The following MDH2 variants were observed in gnomAD, a reference collection of about 807,000 sequenced individuals.
The protein encoded by MDH2 is malate dehydrogenase 2.
In MDH2, 25 loss-of-function variants were observed where a neutral mutation model predicts 33.6. The observed-to-expected ratio is 0.74, with a 90% confidence interval of 0.54 to 1.04. The LOEUF is 1.04. MDH2 is among the 50% of genes least tolerant of loss of function. The pLI, the probability that MDH2 is intolerant of heterozygous loss-of-function variation, is 0.00. For synonymous variants in MDH2, 193 were observed against 188.7 expected (o/e 1.02, Z -0.19); for missense variants, 432 against 445.0 (o/e 0.97, Z 0.26).
At chr7:76,064,701 G>A in intron 7 of MDH2, 101 bp from the exon 8 acceptor site, 1 of 1,340,772 alleles carries the variant, frequency 7.5e-7, no homozygotes. Flanking sequence ...ATTCTCCACT[G>A]TCAGGCTGGA....
chr7:76,048,761 C>T (rs1797435044), intron 1 of MDH2: 1 of 1,229,318 alleles, frequency 8.1e-7, no homozygotes, highest in Non-Finnish European at 1.0e-6. Flanking sequence ...ACGGCTTCCT[C>T]TTAACCTTTT....
At chr7:76,062,691 G>T (rs113767988) in intron 5 of MDH2, among the ~76,000 whole-genome samples, 3 of 152,346 alleles carry the variant, frequency 2.0e-5, no homozygotes, top group African/African-American at 7.2e-5. Context: ...AACGCAGGAG[G>T]ATGGCTTGAG....
chr7:76,049,892 C>T (rs941633547), intron 1 of MDH2, among the ~76,000 whole-genome samples: 2 of 152,104 alleles, frequency 1.3e-5, no homozygotes, highest in South Asian at 2.1e-4. Context: ...AGTGCAGTGG[C>T]GTGATCTCGG....
chr7:76,060,317 C>T, intron 4 of MDH2, 56 bp from the exon 5 acceptor site: 1 of 1,600,850 alleles, frequency 6.2e-7, no homozygotes, highest in Non-Finnish European at 8.5e-7. Context: ...CCTGCTGTGG[C>T]TTGGCCCTGC....
rs781886499 is a variant in MDH2, at chr7:76,064,957, C to T, written c.885+4C>T. ...CTCCACACCGCTGCTGCTTGGGGTA[C>T]GTATCCAGGCGTGGGTCCTTCTGAC... On this transcript the variant is annotated splice_donor_region_variant and intron_variant, in intron 8 of 8. Transcript: ENST00000315758. 8 of 1,613,906 alleles carry T rather than the reference C, an allele frequency of 5.0e-6. No homozygotes were observed. Among genetic ancestry groups the T allele is most frequent in the African/African-American group, 1.3e-5 (1 of 74,916 alleles).
At chr7:76,048,335 G>A (rs1232538865) in intron 1 of MDH2, 109 bp downstream of exon 1, 1 of 1,401,184 alleles carries the variant, frequency 7.1e-7, no homozygotes, top group East Asian at 2.6e-5. Flanking sequence ...TGGACCGCAG[G>A]GATGCCCGGC....
chr7:76,049,376 T>TG (rs1554584966), intron 1 of MDH2, among the ~76,000 whole-genome samples: 1 of 152,194 alleles, frequency 6.6e-6, no homozygotes. Context: ...TAAGTACCTG[T>TG]GCTTGCCAAC....
rs1797717033 is a variant in MDH2 at position 76,054,653 on chromosome 7, G to A, written c.67-177G>A. 3 of 740,790 alleles carry A rather than the reference G, an allele frequency of 4.0e-6. No homozygotes were observed. In the South Asian group the frequency reaches 4.9e-5, roughly 12 times the overall value. The allele number at this position is 740,790 out of a possible 1,614,324, so 45.9% of individuals were successfully genotyped here. A position where few individuals can be genotyped will look rare whatever the true frequency, so the allele number is the denominator to read the frequency against. On this transcript the variant is annotated intron_variant, in intron 1 of 8. Transcript: ENST00000315758. ...CATAAATTCTCCCCATTTGAAAGTGGACCTTTGGAATGAAGGTCCTGAATT... is the reference window on the plus strand; with the variant it reads ...CATAAATTCTCCCCATTTGAAAGTGAACCTTTGGAATGAAGGTCCTGAATT...
chr7:76,067,159 T>C lies in MDH2; in HGVS notation c.*749T>C, dbSNP rs1301306848. The C allele has an allele frequency of 2.0e-5, 3 of 152,306 alleles. No homozygotes were observed. Among genetic ancestry groups the C allele is most frequent in the Non-Finnish European group, 2.9e-5 (2 of 68,092 alleles). The allele number at this position is 152,306 out of a possible 1,614,324, so 9.4% of individuals were successfully genotyped here. ...ATCAGTGGCCTAAAGAAGGGACTTC[T>C]TGTTGTACTGAGGAGTGCGGAATTA... is the stretch of plus-strand genomic sequence containing the variant. On this transcript the variant is annotated 3_prime_UTR_variant, in exon 9 of 9. Transcript: ENST00000315758.
chr7:76,067,464 C>A lies in MDH2; in HGVS notation c.*1054C>A, dbSNP rs568161379. 1.3e-5 allele frequency: 2 copies of A among 152,040 alleles called. No homozygotes were observed. The highest frequency in any genetic ancestry group is 4.2e-4 in the South Asian group (2 of 4,818). The allele number at this position is 152,040 out of a possible 1,614,324, so 9.4% of individuals were successfully genotyped here. ...TTAATACATGTTCATTGTATAAAAC[C>A]CAAAAAGCAGCTAAAAAATAAAGCG... is the stretch of plus-strand genomic sequence containing the variant. On this transcript the variant is annotated 3_prime_UTR_variant, in exon 9 of 9. Coordinates refer to ENST00000315758, the MANE Select transcript of MDH2 (RefSeq NM_005918.4).
At chr7:76,048,992 G>A (rs915570872) in intron 1 of MDH2, 1 of 406,072 alleles carries the variant, frequency 2.5e-6, no homozygotes, top group Non-Finnish European at 3.0e-6. Context: ...GGGGGGGGGG[G>A]GGGGGGTCCG....
rs945331698 is a variant in MDH2, at chr7:76,057,975, C to T, written c.326C>T (p.Thr109Ile). ...PAGVPRKPGMTRDDLFNTNAT... is the reference protein window; with the variant it reads ...PAGVPRKPGMIRDDLFNTNAT... ...CATATTGGATCATTTCCAGGCATGA[C>T]CCGGGACGACCTGTTCAACACCAAT... is the stretch of plus-strand genomic sequence containing the variant. Residue 109 changes from threonine to isoleucine, a missense_variant, in exon 4 of 9, where the codon ACC (threonine) becomes ATC (isoleucine). Transcript: ENST00000315758. The T allele has an allele frequency of 6.2e-7, 1 of 1,613,948 alleles. No individual in the cohort carries two copies. The highest frequency in any genetic ancestry group is 1.3e-5 in the African/African-American group (1 of 75,046).
intron 4 of MDH2, among the ~76,000 whole-genome samples, chr7:76,059,145 T>C (rs1054817628): frequency 2.0e-5 from 3 of 152,188 alleles, no homozygotes; most frequent in Non-Finnish European, 2.9e-5. Context: ...GATTTCGCCA[T>C]GTTGGTGAGG....
At chr7:76,049,155 A>T (rs1177018247) in intron 1 of MDH2, 2 of 956,492 alleles carry the variant, frequency 2.1e-6, no homozygotes, top group African/African-American at 3.6e-5. Flanking sequence ...CATCCAGTTC[A>T]TTTGAAAAAT....
chr7:76,063,948 T>C (rs1420428825), intron 6 of MDH2, among the ~76,000 whole-genome samples: 2 of 152,050 alleles, frequency 1.3e-5, no homozygotes, highest in East Asian at 1.9e-4. Context: ...AGCGGGAGGA[T>C]TGCTTGAGCC....
chr7:76,064,435 G>T lies in MDH2; in HGVS notation c.730G>T (p.Ala244Ser). ...GTEVVKAKAG[A>S]GSATLSMAYA... is the part of the protein sequence containing the mutation. ...GGAGGTGGTCAAGGCTAAAGCCGGA[G>T]CAGGTAGAGTCTCAGGCAGCCCCGG... Residue 244 changes from alanine to serine, a missense_variant, in exon 7 of 9, where the codon GCA becomes TCA. Physicochemically the swap from Ala to Ser is moderately conservative, Grantham distance 99. Transcript: ENST00000315758. 6.2e-7 allele frequency: 1 copy of T among 1,612,164 alleles called. No homozygotes were observed.
chr7:76,048,567 T>C (rs1013059446), intron 1 of MDH2: 10 of 1,315,728 alleles, frequency 7.6e-6, no homozygotes, highest in Non-Finnish European at 9.6e-6. Flanking sequence ...CTTACGTTTT[T>C]TTCTGCAGCG....
At chr7:76,057,102 C>T (rs1469370206) in intron 2 of MDH2, among the ~76,000 whole-genome samples, 5 of 151,952 alleles carry the variant, frequency 3.3e-5, no homozygotes, top group Admixed American at 2.0e-4. Context: ...GTGTGACTTA[C>T]AATGCTCACG....
At chr7:76,061,930 A>G (rs2116690864) in intron 5 of MDH2, among the ~76,000 whole-genome samples, 1 of 152,330 alleles carries the variant, frequency 6.6e-6, no homozygotes, top group Admixed American at 6.5e-5. Flanking sequence ...CACACAAACC[A>G]CATTTAAGAT....
Sources: gnomAD v4.1 joint callset for allele counts (sites outside exome capture counted in the v4.1 genomes callset) on GRCh38, gnomAD v4.1.1 for gene constraint, MANE v1.5 for transcripts, NCBI Gene and HGNC (gene_info 2026-07-23, HGNC 2026-07-21) for gene names.